Variants in TRPM3 observed in about 807,000 individuals in gnomAD.
TRPM3 encodes transient receptor potential cation channel subfamily M member 3, also known as long transient receptor potential channel 3.
Under a neutral mutation model 181.2 loss-of-function variants are expected in TRPM3, and 77 were observed. That is an observed-to-expected ratio of 0.42 (90% CI 0.35 to 0.51). The LOEUF is 0.51. Among genes scored for constraint, TRPM3 ranks in the 20% least tolerant of loss-of-function variants. TRPM3 has a pLI of 0.01. For missense variants in TRPM3, 1,759 were observed against 2,196.7 expected (o/e 0.80, Z 3.98); for synonymous variants, 745 against 796.4 (o/e 0.94, Z 1.09).
intron 25 of TRPM3, among the ~76,000 whole-genome samples, chr9:70,542,998 C>T (rs1004740026): frequency 1.3e-5 from 2 of 152,084 alleles, no homozygotes; most frequent in Non-Finnish European, 2.9e-5. Context: ...AAAAGAGAAA[C>T]AAGTTTAAAC....
intron 1 of TRPM3, among the ~76,000 whole-genome samples, chr9:71,221,900 C>T (rs1275757673): frequency 6.6e-6 from 1 of 152,156 alleles, no homozygotes; most frequent in Non-Finnish European, 1.5e-5. Context: ...CTACCCAGAG[C>T]TGCAATGAGT....
At chr9:71,137,635 A>G (rs905301743) in intron 1 of TRPM3, among the ~76,000 whole-genome samples, 11 of 152,196 alleles carry the variant, frequency 7.2e-5, no homozygotes, top group East Asian at 1.9e-4. Flanking sequence ...GGAAAAGCAC[A>G]TGACTTTGAA....
intron 1 of TRPM3, among the ~76,000 whole-genome samples, chr9:71,237,276 T>C (rs2081414472): frequency 6.6e-6 from 1 of 151,822 alleles, no homozygotes; most frequent in Non-Finnish European, 1.5e-5. Flanking sequence ...TCAAACATTG[T>C]TTTTTTTCTG....
intron 1 of TRPM3, among the ~76,000 whole-genome samples, chr9:71,009,883 A>G (rs1046518801): frequency 7.2e-5 from 11 of 152,226 alleles, no homozygotes; most frequent in African/African-American, 2.7e-4. Context: ...AAACAGATGC[A>G]CATAGACCAA....
chr9:71,042,363 C>G (rs1019615001), intron 1 of TRPM3, among the ~76,000 whole-genome samples: 1 of 152,180 alleles, frequency 6.6e-6, no homozygotes, highest in Admixed American at 6.5e-5. Context: ...TCATGCCATT[C>G]AACAACTGCT....
chr9:71,231,394 C>T (rs556839297), intron 1 of TRPM3, among the ~76,000 whole-genome samples: 2 of 152,180 alleles, frequency 1.3e-5, no homozygotes, highest in African/African-American at 4.8e-5. Flanking sequence ...AATATGGAAC[C>T]ACACCAAGAA....
At chr9:70,976,134 AT>A (rs1590221462) in intron 1 of TRPM3, among the ~76,000 whole-genome samples, 2 of 152,286 alleles carry the variant, frequency 1.3e-5, no homozygotes, top group East Asian at 3.9e-4. Flanking sequence ...CCATGGTGAG[AT>A]TCCCTGGACA....
chr9:71,421,051 G>A (rs923073188), intron 1 of TRPM3, among the ~76,000 whole-genome samples: 16 of 150,948 alleles, frequency 1.1e-4, no homozygotes, highest in Admixed American at 4.6e-4. Context: ...ACGAACTCAC[G>A]TCCTTTGCAG....
intron 8 of TRPM3, among the ~76,000 whole-genome samples, chr9:70,739,598 ATTTT>A (rs533136568): frequency 1.4e-5 from 2 of 147,836 alleles, no homozygotes; most frequent in African/African-American, 2.5e-5. Flanking sequence ...TTTATTATTT[ATTTT>A]TTTTTTTGAG....
chr9:71,032,029 TATA>T, intron 1 of TRPM3, among the ~76,000 whole-genome samples: 2 of 432 alleles, frequency 4.6e-3, no homozygotes, highest in African/African-American at 5.2e-3. Context: ...ATATATATAA[TATA>T]AATATATATA....
intron 1 of TRPM3, among the ~76,000 whole-genome samples, chr9:70,979,390 T>A (rs897330289): frequency 2.6e-5 from 4 of 152,178 alleles, no homozygotes; most frequent in African/African-American, 9.7e-5. Context: ...AGATTTCTAA[T>A]TTTCATTTGT....
intron 1 of TRPM3, among the ~76,000 whole-genome samples, chr9:70,979,462 A>G (rs561842602): frequency 3.3e-5 from 5 of 152,324 alleles, no homozygotes; most frequent in African/African-American, 9.6e-5. Flanking sequence ...TGTATACATA[A>G]AAGGAAAACA....
At chr9:71,419,684 CAACTT>C (rs2093696245) in intron 1 of TRPM3, among the ~76,000 whole-genome samples, 1 of 151,926 alleles carries the variant, frequency 6.6e-6, no homozygotes, top group African/African-American at 2.4e-5. Flanking sequence ...GTACTTAATA[CAACTT>C]AACTGTACAC....
intron 1 of TRPM3, among the ~76,000 whole-genome samples, chr9:71,393,219 A>G (rs1387712472): frequency 2.0e-5 from 3 of 152,186 alleles, no homozygotes; most frequent in African/African-American, 4.8e-5. Context: ...TTTCTATAGC[A>G]ATAAAACAGC....
chr9:71,323,129 T>C (rs996890985), intron 1 of TRPM3, among the ~76,000 whole-genome samples: 3 of 152,294 alleles, frequency 2.0e-5, no homozygotes, highest in South Asian at 2.1e-4. Context: ...CACTAATTTG[T>C]CCTGATTTCA....
At chr9:70,631,361 C>CTTTTTTTTTTTTTTTTTTTTTTTTTT (rs11285828) in intron 12 of TRPM3, among the ~76,000 whole-genome samples, 2 of 136,848 alleles carry the variant, frequency 1.5e-5, no homozygotes, top group African/African-American at 2.7e-5. Context: ...TCTGAAATGC[C>CTTTTTTTTTTTTTTTTTTTTTTTTTT]TTTTTTTTTT....
intron 1 of TRPM3, among the ~76,000 whole-genome samples, chr9:71,073,231 T>A (rs1487398474): frequency 6.6e-6 from 1 of 152,020 alleles, no homozygotes; most frequent in Non-Finnish European, 1.5e-5. Context: ...AATCAAGTCA[T>A]AAAGATGAGA....
chr9:70,558,935 A>G (rs1249952872), intron 22 of TRPM3, among the ~76,000 whole-genome samples: 2 of 152,220 alleles, frequency 1.3e-5, no homozygotes, highest in Non-Finnish European at 2.9e-5. Context: ...AATAAGTAGA[A>G]ATAGATGATT....
chr9:71,386,956 A>T (rs1050336475), intron 1 of TRPM3, among the ~76,000 whole-genome samples: 2 of 152,202 alleles, frequency 1.3e-5, no homozygotes, highest in African/African-American at 4.8e-5. Context: ...CACTGAGAAC[A>T]TAAGCTAACA....
Sources: gnomAD v4.1 joint callset for allele counts (sites outside exome capture counted in the v4.1 genomes callset) on GRCh38, gnomAD v4.1.1 for gene constraint, MANE v1.5 for transcripts, NCBI Gene and HGNC (gene_info 2026-07-23, HGNC 2026-07-21) for gene names.